KMT2D: variants seen among roughly 807,000 people sequenced by gnomAD.
KMT2D encodes histone-lysine N-methyltransferase 2D.
KMT2D carries 55 observed loss-of-function variants against 512.7 expected under a neutral mutation model. The observed-to-expected ratio is 0.11, with a 90% CI of 0.09 to 0.13. The LOEUF is 0.13. Ranked by LOEUF, KMT2D falls within the 10% of genes least tolerant of loss-of-function variation. The probability of loss-of-function intolerance (pLI) is 1.00; values close to 1 mark genes in which losing one functional copy is unlikely to be tolerated. For synonymous variants in KMT2D, 2,995 were observed against 2,904.0 expected (o/e 1.03, Z -1.01); for missense variants, 6,061 against 7,127.9 (o/e 0.85, Z 5.39).
At position 49,050,928 on chromosome 12, in the gene KMT2D, G is replaced by C. The variant is rs761773329; in HGVS notation, c.2755C>G (p.Pro919Ala). The C allele has an allele frequency of 3.3e-6, 5 of 1,538,080 alleles. No individual in the cohort carries two copies. The Admixed American group carries it at 1.0e-4, about 31-fold the overall frequency. ...SPLPEELPLS[P>A]SGEPSLSPQL... Reference sequence around the variant, plus strand: ...GGCGACAAGGATGGCTCCCCAGATGGGGACAACGGCAGCTCCTCGGGCAGA... The same window carrying C: ...GGCGACAAGGATGGCTCCCCAGATGCGGACAACGGCAGCTCCTCGGGCAGA... Residue 919 changes from proline (P) to alanine (A), a missense_variant, in exon 11 of 55, where the codon CCA becomes GCA. Physicochemically the swap from Pro to Ala is conservative, Grantham distance 27. Around this residue, in one of 16 missense-constraint regions of KMT2D, gnomAD observed 848 missense variants for 838.5 expected, o/e 1.01. Transcript: ENST00000301067.
In KMT2D at chr12:49,042,097, T is replaced by C. The variant is rs1943565245; in HGVS notation, c.6101A>G (p.Asp2034Gly). 6 of 1,613,802 alleles carry C rather than the reference T, an allele frequency of 3.7e-6. No individual in the cohort carries two copies. The highest frequency in any genetic ancestry group is 5.1e-6 in the Non-Finnish European group (6 of 1,179,766). The change falls in exon 29 of 55, where the codon GAC becomes GGC. Residue 2034 changes from aspartate (D) to glycine (G), a missense_variant. This residue lies in a region of KMT2D where 640 missense variants were observed against 814.3 expected (regional missense o/e 0.79). Coordinates refer to ENST00000301067, the MANE Select transcript of KMT2D (RefSeq NM_003482.4). The surrounding 1 kb of genome is among the most constrained non-coding windows in gnomAD (Gnocchi z 4.4). ...ANINFPNLKQ[D>G]YPDWSSRCKQ... is the part of the protein sequence containing the mutation. ...CCTCATCCCACAGGTACCTGGGTAG[T>C]CTTGCTTGAGATTAGGAAAATTAAT...
In KMT2D at chr12:49,034,841, G is replaced by A. The variant is rs758559100; in HGVS notation, c.10326C>T (p.Gly3442=). The change falls in exon 36 of 55, where the codon GGC becomes GGT. Residue 3442 remains glycine (G), a synonymous_variant. Coordinates refer to ENST00000301067, the MANE Select transcript of KMT2D (RefSeq NM_003482.4). ...LKGIKKVMAQ[G]SIGVAPGMNR... ...TCATACCAGGTGCCACCCCAATGCT[G>A]CCCTGAGCCATCACTTTCTTGATGC... 3 of 1,613,972 alleles carry A rather than the reference G, an allele frequency of 1.9e-6. No homozygotes were observed. The Admixed American group carries it at 5.0e-5, about 27-fold the overall frequency.
At position 49,037,561 on chromosome 12, in the gene KMT2D, C is replaced by T. The variant is rs2120481818; in HGVS notation, c.9795G>A (p.Gln3265=). 1 of 1,553,962 alleles carries T rather than the reference C, an allele frequency of 6.4e-7. No individual in the cohort carries two copies. The highest frequency in any genetic ancestry group is 8.7e-7 in the Non-Finnish European group (1 of 1,148,386). ...HEKKELQKKQ[Q]LSAQLQPAQQ... ...GGGCAGGCTGCAACTGTGCTGAAAG[C>T]TGCTGCTTCTTCTGCAGCTCCTTCT... is the stretch of plus-strand genomic sequence containing the variant. Residue 3265 remains glutamine (Q), a synonymous_variant, in exon 35 of 55, where the codon CAG becomes CAA. Coordinates refer to ENST00000301067, the MANE Select transcript of KMT2D (RefSeq NM_003482.4).
In KMT2D at chr12:49,031,249, C is replaced by T; in HGVS notation, c.13456G>A (p.Glu4486Lys). 1 of 1,613,112 alleles carries T rather than the reference C, an allele frequency of 6.2e-7. No individual in the cohort carries two copies. ...TGRGSEGLRA[E>K]INGHIDSKLA... is the part of the protein sequence containing the mutation. The stretch of plus-strand genomic sequence containing the variant: ...TTGCTGTCAATGTGCCCGTTGATCT[C>T]AGCTCGCAGCCCCTCGGACCCCCGC... Residue 4486 changes from glutamate (E) to lysine (K), a missense_variant, in exon 40 of 55, where the codon GAG becomes AAG. By Grantham distance (56) the Glu-to-Lys change is moderately conservative. This residue lies in a region of KMT2D where 1,600 missense variants were observed against 1,754.9 expected (regional missense o/e 0.91). Transcript: ENST00000301067.
chr12:49,055,208 G>T (rs1318857571), intron 2 of KMT2D, 68 bp downstream of exon 2: 1 of 1,583,984 alleles, frequency 6.3e-7, no homozygotes, highest in African/African-American at 1.3e-5. Context: ...TCATGTCCTT[G>T]TGCCAGGACC....
chr12:49,044,812 G>A lies in KMT2D; in HGVS notation c.4895C>T (p.Ser1632Leu), dbSNP rs1270392035. Residue 1632 changes from serine (S) to leucine (L), a missense_variant, in exon 20 of 55, where the codon TCA (serine) becomes TTA (leucine). Ser to Leu is a moderately radical substitution (Grantham distance 145). This residue lies in a region of KMT2D where 640 missense variants were observed against 814.3 expected (regional missense o/e 0.79). Coordinates refer to ENST00000301067, the MANE Select transcript of KMT2D (RefSeq NM_003482.4). This position sits in a 1 kb window ranked among gnomAD's most constrained non-coding sequence, Gnocchi z 6.4. The stretch of plus-strand genomic sequence containing the variant: ...CTTGTCATCAGGGCCAAGGGCATCT[G>A]AGGGCTCAGAACCCTCCAATCCTGC... ...GEAGLEGSEP[S>L]DALGPDDKKD... is the part of the protein sequence containing the mutation. 33 of 1,613,950 alleles carry A rather than the reference G, an allele frequency of 2.0e-5. No individual in the cohort carries two copies. Among genetic ancestry groups the A allele is most frequent in the Non-Finnish European group, 2.7e-5 (32 of 1,179,908 alleles).
At position 49,027,064 on chromosome 12, in the gene KMT2D, G is replaced by T. The variant is rs748204890; in HGVS notation, c.14902C>A (p.Pro4968Thr). The T allele has an allele frequency of 6.2e-7, 1 of 1,613,696 alleles. No individual in the cohort carries two copies. Among genetic ancestry groups the T allele is most frequent in the South Asian group, 1.1e-5 (1 of 91,074 alleles). The part of the protein sequence containing the change: ...SARPKPRARP[P>T]EEGEDSRPPR... The stretch of plus-strand genomic sequence containing the variant: ...GGACGGGAATCTTCACCTTCTTCAG[G>T]GGGCCGGGCACGGGGCTTGGGTCGG... Residue 4968 changes from proline (P) to threonine (T), a missense_variant, in exon 49 of 55, where the codon CCT (proline) becomes ACT (threonine). Physicochemically the swap from Pro to Thr is conservative, Grantham distance 38. Around this residue, in one of 16 missense-constraint regions of KMT2D, gnomAD observed 1,600 missense variants for 1,754.9 expected, o/e 0.91. Transcript: ENST00000301067.
Position 49,050,446 on chromosome 12 carries a change from G to C in KMT2D, c.3142C>G (p.Pro1048Ala), listed in dbSNP as rs769223202. 1 of 1,613,998 alleles carries C rather than the reference G, an allele frequency of 6.2e-7. No homozygotes were observed. Among genetic ancestry groups the C allele is most frequent in the East Asian group, 2.2e-5 (1 of 44,884 alleles). ...PPSQCSPPAL[P>A]LSVPSPLSPI... ...CTCAACGGGGAGGGAACGGACAGTGGTAGGGCAGGAGGAGAGCACTGGGAA... is the reference window on the plus strand; with the variant it reads ...CTCAACGGGGAGGGAACGGACAGTGCTAGGGCAGGAGGAGAGCACTGGGAA... Residue 1048 changes from proline to alanine, a missense_variant, in exon 12 of 55, where the codon CCA becomes GCA. By Grantham distance (27) the Pro-to-Ala change is conservative. Around this residue, in one of 16 missense-constraint regions of KMT2D, gnomAD observed 447 missense variants for 500.1 expected, o/e 0.89. Transcript: ENST00000301067.
In KMT2D at chr12:49,019,496, G is replaced by C. The variant is rs1942196740; in HGVS notation, c.*2284C>G. ...ATATAAAAATTAAAAACTGTATAAG[G>C]TTTCTTCACTAAATTCTACAGGACT... is the stretch of plus-strand genomic sequence containing the variant. On this transcript the variant is annotated 3_prime_UTR_variant, in exon 55 of 55. Transcript: ENST00000301067. 4.5e-6 allele frequency: 1 copy of C among 224,204 alleles called. No individual in the cohort carries two copies. The highest frequency in any genetic ancestry group is 2.2e-5 in the African/African-American group (1 of 44,764). The allele number at this position is 224,204 out of a possible 1,614,324, so 13.9% of individuals were successfully genotyped here. A position where few individuals can be genotyped will look rare whatever the true frequency, so the allele number is the denominator to read the frequency against.
chr12:49,053,302 T>C lies in KMT2D; in HGVS notation c.859A>G (p.Lys287Glu), dbSNP rs375915416. The C allele has an allele frequency of 7.4e-5, 119 of 1,613,914 alleles. No homozygotes were observed. The highest frequency in any genetic ancestry group is 1.6e-4 in the Middle Eastern group (1 of 6,062). ...QACRKPGNDS[K>E]MLVCETCDKG... is the part of the protein sequence containing the mutation. Reference sequence around the variant, plus strand: ...TCACACGTCTCACAAACCAACATCTTAGAGTCATTCCCAGGTTTCCTGCAG... The same window carrying C: ...TCACACGTCTCACAAACCAACATCTCAGAGTCATTCCCAGGTTTCCTGCAG... Residue 287 changes from lysine (K) to glutamate (E), a missense_variant, in exon 8 of 55, where the codon AAG becomes GAG. Lys to Glu is a moderately conservative substitution (Grantham distance 56). Coordinates refer to ENST00000301067, the MANE Select transcript of KMT2D (RefSeq NM_003482.4).
At position 49,029,096 on chromosome 12, in the gene KMT2D, G is replaced by C. The variant is rs2120391629; in HGVS notation, c.14216C>G (p.Pro4739Arg). Residue 4739 changes from proline (P) to arginine (R), a missense_variant, in exon 45 of 55, where the codon CCT (proline) becomes CGT (arginine). Around this residue, in one of 16 missense-constraint regions of KMT2D, gnomAD observed 1,600 missense variants for 1,754.9 expected, o/e 0.91. Coordinates refer to ENST00000301067, the MANE Select transcript of KMT2D (RefSeq NM_003482.4). The part of the protein sequence containing the change: ...RWEQEDRALS[P>R]VIPLIPRASI... ...GGCCCGAGGAATGAGGGGGATGACAGGGGAGAGGGCCCGGTCCTCTTGCTC... is the reference window on the plus strand; with the variant it reads ...GGCCCGAGGAATGAGGGGGATGACACGGGAGAGGGCCCGGTCCTCTTGCTC... The C allele has an allele frequency of 6.2e-7, 1 of 1,608,150 alleles. No individual in the cohort carries two copies. The highest frequency in any genetic ancestry group is 8.5e-7 in the Non-Finnish European group (1 of 1,175,338).
At position 49,051,960 on chromosome 12, in the gene KMT2D, G is replaced by GGGGCAGCAGTGGCATCTCCTCGT; in HGVS notation, c.1722_1723insACGAGGAGATGCCACTGCTGCCC (p.Pro575ThrfsTer363). 6.2e-7 allele frequency: 1 copy of GGGGCAGCAGTGGCATCTCCTCGT among 1,613,600 alleles called. No individual in the cohort carries two copies. The highest frequency in any genetic ancestry group is 1.3e-5 in the African/African-American group (1 of 74,824). The stretch of plus-strand genomic sequence containing the variant: ...GGGGACATGGGTGACTCCTCAGGTG[G>GGGGCAGCAGTGGCATCTCCTCGT]TGGAGACAGGCGAGATGCTTCAGGT... On this transcript the variant is annotated frameshift_variant, in exon 11 of 55. Coordinates refer to ENST00000301067, the MANE Select transcript of KMT2D (RefSeq NM_003482.4). LOFTEE classifies it high-confidence loss of function.
intron 48 of KMT2D, 136 bp from the exon 49 acceptor site, chr12:49,027,458 C>CTT: frequency 2.8e-5 from 19 of 681,542 alleles, no homozygotes; most frequent in South Asian, 7.1e-5. Context: ...CTTTTCTTTT[C>CTT]TTTTTTTTTT....
rs2120684566 is a variant in KMT2D, at chr12:49,052,282, C to T, written c.1401G>A (p.Leu467=). The T allele has an allele frequency of 6.2e-7, 1 of 1,603,406 alleles. No homozygotes were observed. Among genetic ancestry groups the T allele is most frequent in the East Asian group, 2.2e-5 (1 of 44,612 alleles). ...PTSPPPEASR[L]SPPPEELPAS... ...CGGGCAATTCCTCAGGTGGTGGTGACAGGCGTGATGCCTCAGGTGGTGGGG... is the reference window on the plus strand; with the variant it reads ...CGGGCAATTCCTCAGGTGGTGGTGATAGGCGTGATGCCTCAGGTGGTGGGG... Residue 467 remains leucine, a synonymous_variant, in exon 11 of 55, where the codon CTG becomes CTA. Coordinates refer to ENST00000301067, the MANE Select transcript of KMT2D (RefSeq NM_003482.4).
chr12:49,056,454 G>GA (rs1014886921), intron 1 of KMT2D, among the ~76,000 whole-genome samples: 82 of 148,376 alleles, frequency 5.5e-4, no homozygotes, highest in South Asian at 3.8e-3. Flanking sequence ...AGCACAGTGG[G>GA]AAAAAAAAAA....
rs1276517318 is a variant in KMT2D, at chr12:49,032,100, T to A, written c.12605A>T (p.Gln4202Leu). Residue 4202 changes from glutamine (Q) to leucine (L), a missense_variant, in exon 40 of 55, where the codon CAA becomes CTA. This residue lies in a region of KMT2D where 1,600 missense variants were observed against 1,754.9 expected (regional missense o/e 0.91). Transcript: ENST00000301067. ...PTVGQLRAQL[Q>L]GVLAKNPQLR... ...CTGTGGGTTTTTGGCCAGGACTCCTTGGAGCTGTGCTCGAAGCTGACCCAC... is the reference window on the plus strand; with the variant it reads ...CTGTGGGTTTTTGGCCAGGACTCCTAGGAGCTGTGCTCGAAGCTGACCCAC... 1 of 1,613,836 alleles carries A rather than the reference T, an allele frequency of 6.2e-7. No individual in the cohort carries two copies. Among genetic ancestry groups the A allele is most frequent in the South Asian group, 1.1e-5 (1 of 91,088 alleles).
At position 49,053,961 on chromosome 12, in the gene KMT2D, A is replaced by C. The variant is rs368851125; in HGVS notation, c.673+17T>G. The C allele has an allele frequency of 1.1e-5, 17 of 1,610,548 alleles. No homozygotes were observed. The African/African-American group carries it at 2.1e-4, about 20-fold the overall frequency. On this transcript the variant is annotated intron_variant, in intron 6 of 54. Transcript: ENST00000301067. The stretch of plus-strand genomic sequence containing the variant: ...GGTCTCTCATTTGCCCTATGACCAA[A>C]GATCAGGACTTCTCACCCAGATATG...
rs745688226 is a variant in KMT2D at position 49,037,211 on chromosome 12, A to C, written c.10145T>G (p.Met3382Arg). Residue 3382 changes from methionine to arginine, a missense_variant, in exon 35 of 55, where the codon ATG becomes AGG. This residue lies in a region of KMT2D where 533 missense variants were observed against 539.6 expected (regional missense o/e 0.99). Coordinates refer to ENST00000301067, the MANE Select transcript of KMT2D (RefSeq NM_003482.4). ...SSQPVLSQKP[M>R]GTMPPSMCMK... Reference sequence around the variant, plus strand: ...GCACATGGAAGGTGGCATGGTGCCCATGGGCTTCTGTGATAGCACTGGCTG... The same window carrying C: ...GCACATGGAAGGTGGCATGGTGCCCCTGGGCTTCTGTGATAGCACTGGCTG... The C allele has an allele frequency of 1.2e-6, 2 of 1,612,256 alleles. No homozygotes were observed. The highest frequency in any genetic ancestry group is 1.7e-6 in the Non-Finnish European group (2 of 1,178,630).
In KMT2D at chr12:49,049,753, T is replaced by C. The variant is rs376471268; in HGVS notation, c.3835A>G (p.Ile1279Val). The C allele has an allele frequency of 7.5e-6, 12 of 1,609,724 alleles. No homozygotes were observed. Among genetic ancestry groups the C allele is most frequent in the Non-Finnish European group, 1.0e-5 (12 of 1,176,312 alleles). Residue 1279 changes from isoleucine (I) to valine (V), a missense_variant, in exon 12 of 55, where the codon ATC becomes GTC. By Grantham distance (29) the Ile-to-Val change is conservative. Coordinates refer to ENST00000301067, the MANE Select transcript of KMT2D (RefSeq NM_003482.4). ...DSLLCDAGTA[I>V]SGGKAEGEKG... ...TCCCCCTCAGCTTTGCCTCCGCTGA[T>C]AGCTGTCCCAGCATCGCACAATAGT...
Sources: gnomAD v4.1 joint callset for allele counts (sites outside exome capture counted in the v4.1 genomes callset) on GRCh38, gnomAD v4.1.1 for gene constraint, gnomAD v4.1.1 regional missense constraint, Gnocchi (gnomAD v3.1) non-coding constraint, MANE v1.5 for transcripts, NCBI Gene and HGNC (gene_info 2026-07-23, HGNC 2026-07-21) for gene names.